The following SLC2A9 variants were observed in gnomAD, a reference collection of about 807,000 sequenced individuals.
The protein encoded by SLC2A9 is solute carrier family 2 member 9, also known as solute carrier family 2, facilitated glucose transporter member 9.
In SLC2A9, 39 loss-of-function variants were observed where a neutral mutation model predicts 50.6. The ratio of observed to expected loss-of-function variants is 0.77; its 90% CI spans 0.60 to 1.01. SLC2A9 has a LOEUF of 1.01. SLC2A9 is among the 50% of genes least tolerant of loss of function. SLC2A9 has a pLI of 0.00. For synonymous variants in SLC2A9, 324 were observed against 276.9 expected (o/e 1.17, Z -1.69); for missense variants, 686 against 677.6 (o/e 1.01, Z -0.14).
intron 3 of SLC2A9, among the ~76,000 whole-genome samples, chr4:9,803,920 G>A (rs1385511606): frequency 6.6e-6 from 1 of 152,126 alleles, no homozygotes; most frequent in Admixed American, 6.5e-5. Context: ...TTGTGTTTTT[G>A]TTTTGATAAA....
intron 11 of SLC2A9, among the ~76,000 whole-genome samples, chr4:9,830,280 G>GC (rs1725865661): frequency 6.6e-6 from 1 of 152,214 alleles, no homozygotes; most frequent in Non-Finnish European, 1.5e-5. Flanking sequence ...ACCAAACACT[G>GC]CATGTTCTCA....
chr4:9,801,973 CTGAT>C (rs1170234435), intron 3 of SLC2A9, among the ~76,000 whole-genome samples: 1 of 152,192 alleles, frequency 6.6e-6, no homozygotes, highest in African/African-American at 2.4e-5. Context: ...GGACTCCCAG[CTGAT>C]TGATTGGGCA....
At chr4:10,008,186 G>A (rs1312516746) in intron 2 of SLC2A9, among the ~76,000 whole-genome samples, 1 of 152,158 alleles carries the variant, frequency 6.6e-6, no homozygotes, top group Non-Finnish European at 1.5e-5. Flanking sequence ...TCCCCATTTG[G>A]CTCAACAAAG....
intron 1 of SLC2A9, among the ~76,000 whole-genome samples, chr4:9,774,351 A>C (rs1250472498): frequency 1.3e-5 from 2 of 152,174 alleles, no homozygotes; most frequent in Non-Finnish European, 2.9e-5. Flanking sequence ...GTGTTCTAAA[A>C]ATGTATCCTT....
At chr4:9,878,901 G>A (rs562044375) in intron 10 of SLC2A9, 170 of 323,242 alleles carry the variant, frequency 5.3e-4, no homozygotes, top group African/African-American at 3.7e-3. Context: ...AATTGAAGAG[G>A]TGGTGTGGAA....
chr4:9,824,088 A>G (rs998538129), downstream of SLC2A9, among the ~76,000 whole-genome samples: 3 of 152,220 alleles, frequency 2.0e-5, no homozygotes, highest in African/African-American at 7.2e-5. Flanking sequence ...TTGGGTCATG[A>G]GAGCCCTCAT....
At chr4:9,854,633 A>C (rs1287378913) in intron 10 of SLC2A9, among the ~76,000 whole-genome samples, 1 of 152,204 alleles carries the variant, frequency 6.6e-6, no homozygotes, top group East Asian at 1.9e-4. Context: ...CCTGATACCA[A>C]AACCTGGCAG....
intron 6 of SLC2A9, among the ~76,000 whole-genome samples, chr4:9,926,206 C>T (rs569551115): frequency 5.9e-5 from 9 of 151,864 alleles, no homozygotes; most frequent in Admixed American, 3.9e-4. Flanking sequence ...GCTGGAGAAA[C>T]CTGGGCTTCA....
At chr4:10,000,139 C>G (rs1187411065) in intron 2 of SLC2A9, among the ~76,000 whole-genome samples, 1 of 152,174 alleles carries the variant, frequency 6.6e-6, no homozygotes, top group Non-Finnish European at 1.5e-5. Flanking sequence ...CTATCTTACT[C>G]ATAGCACGGA....
chr4:9,887,537 C>T (rs774138926), intron 10 of SLC2A9, 30 bp downstream of exon 10: 77 of 1,455,882 alleles, frequency 5.3e-5, no homozygotes, highest in South Asian at 3.6e-4. Flanking sequence ...AGTCCCTGGG[C>T]GGGGCAGTGG....
chr4:9,839,203 C>T (rs923035789), intron 10 of SLC2A9, among the ~76,000 whole-genome samples: 2 of 152,124 alleles, frequency 1.3e-5, no homozygotes, highest in Non-Finnish European at 2.9e-5. Flanking sequence ...CAAAAGAAGA[C>T]ATACATGTGG....
intron 6 of SLC2A9, among the ~76,000 whole-genome samples, chr4:9,941,031 G>A (rs1200657896): frequency 6.6e-6 from 1 of 152,144 alleles, no homozygotes; most frequent in Non-Finnish European, 1.5e-5. Context: ...GAGGGTTCTG[G>A]GGCTCAGAAA....
intron 3 of SLC2A9, among the ~76,000 whole-genome samples, chr4:9,819,253 C>T (rs1318354882): frequency 6.6e-6 from 1 of 151,988 alleles, no homozygotes; most frequent in Non-Finnish European, 1.5e-5. Flanking sequence ...ATTTTGATCA[C>T]CACTCTGCTA....
chr4:10,029,695 C>T (rs748645506), intron 1 of SLC2A9, among the ~76,000 whole-genome samples: 8 of 151,872 alleles, frequency 5.3e-5, no homozygotes, highest in Non-Finnish European at 1.2e-4. Context: ...CATCTAACTG[C>T]AACCTCTGCC....
At chr4:9,794,124 T>C (rs987337621), downstream of SLC2A9, among the ~76,000 whole-genome samples, 2 of 152,198 alleles carry the variant, frequency 1.3e-5, no homozygotes, top group African/African-American at 4.8e-5. Flanking sequence ...ACATTAGGAT[T>C]TGTGCAGAGC....
At position 9,941,994 on chromosome 4, in the gene SLC2A9, G is replaced by A. The variant is rs148602165; in HGVS notation, c.733C>T (p.Gln245Ter). Residue 245 changes from glutamine (Q) to a stop codon, truncating the protein, a stop_gained, in exon 6 of 12, where the codon CAG becomes TAG. Transcript: ENST00000264784. LOFTEE classifies it high-confidence loss of function. ...GGGAGAAAGGGAAGGCTCAGCAGCT[G>A]GACAACGGCAGGGACCACAATCACT... The part of the protein sequence containing the change: ...FGVIVVPAVV[Q>*]LLSLPFLPDS... 1.9e-6 allele frequency: 3 copies of A among 1,614,184 alleles called. No homozygotes were observed. The African/African-American group carries it at 4.0e-5, about 22-fold the overall frequency.
chr4:9,954,888 T>C (rs1007809525), intron 5 of SLC2A9, among the ~76,000 whole-genome samples: 3 of 145,482 alleles, frequency 2.1e-5, no homozygotes, highest in Non-Finnish European at 4.5e-5. Context: ...AGGCAGTCAG[T>C]CTCCCAATAG....
At chr4:9,981,971 T>A (rs1171454425) in intron 4 of SLC2A9, among the ~76,000 whole-genome samples, 2 of 151,434 alleles carry the variant, frequency 1.3e-5, no homozygotes, top group Non-Finnish European at 1.5e-5. Flanking sequence ...AACTTCCACC[T>A]CCCGGGTTCA....
At chr4:9,772,356 C>T (rs1340907748) in intron 1 of SLC2A9, among the ~76,000 whole-genome samples, 1 of 152,232 alleles carries the variant, frequency 6.6e-6, no homozygotes, top group South Asian at 2.1e-4. Context: ...GGCTCACAAT[C>T]CTTCCTGGCC....
Sources: allele counts gnomAD v4.1 joint callset (sites outside exome capture counted in the v4.1 genomes callset), GRCh38; gene constraint gnomAD v4.1.1; transcripts MANE v1.5; gene names NCBI Gene and HGNC (gene_info 2026-07-23, HGNC 2026-07-21).